Variants in RBM34 observed in about 807,000 individuals in gnomAD.
The protein encoded by RBM34 is RNA-binding protein 34.
Under a neutral mutation model 44.6 loss-of-function variants are expected in RBM34, and 39 were observed. The observed-to-expected ratio is 0.87, with a 90% confidence interval of 0.68 to 1.14. The LOEUF (loss-of-function observed/expected upper bound fraction) is 1.14. Among genes scored for constraint, RBM34 ranks in the 50% most tolerant of loss-of-function variants. The probability of loss-of-function intolerance (pLI) is 0.00; values close to 1 mark genes in which losing one functional copy is unlikely to be tolerated. For synonymous variants in RBM34, 194 were observed against 184.0 expected, an observed-to-expected ratio of 1.05 and a Z score of -0.44; for missense variants, 572 against 517.9, an observed-to-expected ratio of 1.10 and a Z score of -1.01.
At chr1:235,152,870 CT>C (rs11351017) in intron 4 of RBM34, 105 bp from the exon 5 acceptor site, 225,503 of 591,258 alleles carry the variant, frequency 0.38, 12,306 homozygotes, top group South Asian at 0.43. Flanking sequence ...TACTGCCAGG[CT>C]TTTTTTTTTT....
chr1:235,132,127 G>C (rs928814489), intron 10 of RBM34, 130 bp from the exon 11 acceptor site: 5 of 796,972 alleles, frequency 6.3e-6, no homozygotes, highest in African/African-American at 5.2e-5. Context: ...AATCCCAGGT[G>C]TATCAGCTGC....
Position 235,154,902 on chromosome 1 carries a change from C to T in RBM34, c.576G>A (p.Leu192=). The change falls in exon 4 of 11, where the codon TTG becomes TTA. Residue 192 remains leucine, a synonymous_variant. Coordinates refer to ENST00000408888, the MANE Select transcript of RBM34 (RefSeq NM_015014.4). ...KNERTVFVGN[L]PVTCNKKKLK... is the part of the protein sequence containing the mutation. Reference sequence around the variant, plus strand: ...TCACCTTCTTATTACATGTAACAGGCAAATTCCCAACAAACACAGTTCTCT... The same window carrying T: ...TCACCTTCTTATTACATGTAACAGGTAAATTCCCAACAAACACAGTTCTCT... 5 of 1,613,668 alleles carry T rather than the reference C, an allele frequency of 3.1e-6. No homozygotes were observed. The highest frequency in any genetic ancestry group is 4.2e-6 in the Non-Finnish European group (5 of 1,179,778).
At chr1:235,141,627 T>C (rs186404827) in intron 6 of RBM34, among the ~76,000 whole-genome samples, 1 of 152,250 alleles carries the variant, frequency 6.6e-6, no homozygotes, top group Admixed American at 6.5e-5. Flanking sequence ...TTGCAATAAA[T>C]CTTGCTACTG....
Position 235,148,454 on chromosome 1 carries a change from A to C in RBM34, c.658-7T>G. The C allele has an allele frequency of 6.3e-7, 1 of 1,582,500 alleles. No homozygotes were observed. The highest frequency in any genetic ancestry group is 8.6e-7 in the Non-Finnish European group (1 of 1,166,824). On this transcript the variant is annotated splice_region_variant and splice_polypyrimidine_tract_variant and intron_variant, in intron 5 of 10. Coordinates refer to ENST00000408888, the MANE Select transcript of RBM34 (RefSeq NM_015014.4). ...GCGTTCCCTCTGCTGGAATCTTTCAAGAGAAAAAAAAAAGTATTAAAGACA... is the reference window on the plus strand; with the variant it reads ...GCGTTCCCTCTGCTGGAATCTTTCACGAGAAAAAAAAAAGTATTAAAGACA...
At chr1:235,153,572 G>A (rs188363335) in intron 4 of RBM34, among the ~76,000 whole-genome samples, 34 of 152,122 alleles carry the variant, frequency 2.2e-4, no homozygotes, top group Admixed American at 7.2e-4. Flanking sequence ...TTACAGGCAT[G>A]TGTCACCACA....
Position 235,160,520 on chromosome 1 carries a change from A to C in RBM34, c.356T>G (p.Leu119Trp). ...KKKHTNAEKKLADRESALASA... is the reference protein window; with the variant it reads ...KKKHTNAEKKWADRESALASA... ...AGAGAATTTTACCAACCTGTCTGCC[A>C]ACTTTTTTTCTGCGTTAGTGTGTTT... is the stretch of plus-strand genomic sequence containing the variant. Residue 119 changes from leucine (L) to tryptophan (W), a missense_variant, in exon 3 of 11, where the codon TTG becomes TGG. Physicochemically the swap from Leu to Trp is moderately conservative, Grantham distance 61 (BLOSUM62 -2). Transcript: ENST00000408888. The C allele has an allele frequency of 6.2e-7, 1 of 1,610,056 alleles. No homozygotes were observed. The highest frequency in any genetic ancestry group is 1.3e-5 in the African/African-American group (1 of 74,766).
intron 6 of RBM34, among the ~76,000 whole-genome samples, chr1:235,146,390 T>C (rs961900060): frequency 4.6e-5 from 7 of 152,150 alleles, no homozygotes; most frequent in Admixed American, 1.3e-4. Context: ...ATAATCACTT[T>C]CACACCAATA....
chr1:235,144,389 T>C (rs1305253887), intron 6 of RBM34, among the ~76,000 whole-genome samples: 2 of 151,784 alleles, frequency 1.3e-5, no homozygotes, highest in East Asian at 1.9e-4. Context: ...GATGATAAAG[T>C]GTTTGGTATC....
chr1:235,159,964 G>A (rs1662625888), intron 3 of RBM34, among the ~76,000 whole-genome samples: 2 of 151,866 alleles, frequency 1.3e-5, no homozygotes, highest in African/African-American at 4.8e-5. Context: ...TCCAAATAAT[G>A]AGGTGGTAGC....
rs747281847 is a variant in RBM34 at position 235,148,414 on chromosome 1, C to T, written c.691G>A (p.Ala231Thr). 1 of 1,596,710 alleles carries T rather than the reference C, an allele frequency of 6.3e-7. No individual in the cohort carries two copies. ...TAATTATAAACTTACTTTATTGCTG[C>T]CAACTTTTTGGATAGCGTTCCCTCT... ...PAEGTLSKKL[A>T]AIKRKIHPDQ... is the part of the protein sequence containing the mutation. Residue 231 changes from alanine (A) to threonine (T), a missense_variant, in exon 6 of 11, where the codon GCA becomes ACA. Coordinates refer to ENST00000408888, the MANE Select transcript of RBM34 (RefSeq NM_015014.4).
intron 6 of RBM34, among the ~76,000 whole-genome samples, chr1:235,143,580 A>G (rs1402863961): frequency 6.6e-6 from 1 of 152,192 alleles, no homozygotes; most frequent in Non-Finnish European, 1.5e-5. Flanking sequence ...TACTAAAAGT[A>G]TGAAAAAATT....
rs566962866 is a variant in RBM34 at position 235,153,045 on chromosome 1, T to C, written c.598-280A>G. Among the ~76,000 whole-genome samples, 21 of 152,268 alleles carry C rather than the reference T, an allele frequency of 1.4e-4. No homozygotes were observed. In the East Asian group the frequency reaches 3.3e-3, roughly 24 times the overall value. On this transcript the variant is annotated intron_variant, in intron 4 of 10. Transcript: ENST00000408888. ...CCACCATGCTCAGCTAATTTTCGTA[T>C]TTTTAGTAGAGACGGGGTTTCGCCA...
intron 6 of RBM34, among the ~76,000 whole-genome samples, chr1:235,142,303 A>T (rs765592104): frequency 4.6e-5 from 7 of 151,990 alleles, no homozygotes; most frequent in Non-Finnish European, 8.8e-5. Flanking sequence ...TTTGAGACGG[A>T]GTTTCTCTCT....
intron 8 of RBM34, among the ~76,000 whole-genome samples, chr1:235,136,430 C>G (rs1661436036): frequency 6.6e-6 from 1 of 152,144 alleles, no homozygotes; most frequent in Non-Finnish European, 1.5e-5. Flanking sequence ...GCCATTATAC[C>G]TTGAGAACAG....
At chr1:235,140,141 C>T (rs908178206) in intron 6 of RBM34, among the ~76,000 whole-genome samples, 1 of 152,364 alleles carries the variant, frequency 6.6e-6, no homozygotes, top group East Asian at 1.9e-4. Context: ...TCAGAGCCCT[C>T]GCTTGCTCTC....
intron 3 of RBM34, among the ~76,000 whole-genome samples, chr1:235,158,320 G>C (rs1229771162): frequency 6.6e-6 from 1 of 152,008 alleles, no homozygotes; most frequent in Non-Finnish European, 1.5e-5. Flanking sequence ...AGGAGGCTGA[G>C]GCAGGAGAAT....
At chr1:235,145,607 T>C (rs1330483150) in intron 6 of RBM34, among the ~76,000 whole-genome samples, 2 of 152,258 alleles carry the variant, frequency 1.3e-5, no homozygotes, top group East Asian at 3.9e-4. Context: ...GTAAAAGACT[T>C]TACTGTTGGT....
At chr1:235,148,524 A>T in intron 5 of RBM34, 77 bp from the exon 6 acceptor site, 1 of 1,088,192 alleles carries the variant, frequency 9.2e-7, no homozygotes, top group East Asian at 2.5e-5. Context: ...GTGAAGTCTA[A>T]GTATCTAACT....
intron 5 of RBM34, among the ~76,000 whole-genome samples, chr1:235,150,434 TG>T (rs1259806901): frequency 6.6e-6 from 1 of 152,124 alleles, no homozygotes; most frequent in East Asian, 1.9e-4. Context: ...ACAGGAATAA[TG>T]CAGAGGAAAA....
Sources: gnomAD v4.1 joint callset for allele counts (sites outside exome capture counted in the v4.1 genomes callset) on GRCh38, gnomAD v4.1.1 for gene constraint, MANE v1.5 for transcripts, NCBI Gene and HGNC (gene_info 2026-07-23, HGNC 2026-07-21) for gene names.